Variants in ACACA observed in about 807,000 individuals in gnomAD.
ACACA encodes acetyl-CoA carboxylase alpha.
A neutral mutation model predicts 296.1 loss-of-function variants in ACACA; 103 were observed. The ratio of observed to expected loss-of-function variants is 0.35; its 90% confidence interval spans 0.30 to 0.41. The LOEUF (loss-of-function observed/expected upper bound fraction) is 0.41, where lower values mean the gene tolerates loss of function less well. ACACA is among the 10% of genes least tolerant of loss of function. The pLI is 1.00. For synonymous variants in ACACA, 953 were observed against 1,038.6 expected (o/e 0.92, Z 1.58); for missense variants, 1,554 against 2,989.7 (o/e 0.52, Z 11.20).
chr17:37,377,380 C>T (rs1233984245), intron 1 of ACACA, among the ~76,000 whole-genome samples: 2 of 152,022 alleles, frequency 1.3e-5, no homozygotes, highest in South Asian at 2.1e-4. Flanking sequence ...TTTTGAGGGC[C>T]GGGCGTGGTG....
chr17:37,090,676 C>G (rs1476388811), intron 54 of ACACA, among the ~76,000 whole-genome samples: 1 of 152,190 alleles, frequency 6.6e-6, no homozygotes, highest in South Asian at 2.1e-4. Flanking sequence ...GAGAAGGTAG[C>G]ACTGCTTTTC....
At chr17:37,280,241 C>T (rs1228789488) in intron 5 of ACACA, among the ~76,000 whole-genome samples, 1 of 152,174 alleles carries the variant, frequency 6.6e-6, no homozygotes, top group Non-Finnish European at 1.5e-5. Flanking sequence ...CCAGATCTCA[C>T]TCTGACACCC....
intron 25 of ACACA, 43 bp downstream of exon 25, chr17:37,234,932 A>C (rs1395433718): frequency 6.2e-7 from 1 of 1,611,152 alleles, no homozygotes; most frequent in Admixed American, 1.7e-5. Flanking sequence ...TACTTTTTGC[A>C]TATCATTGAC....
At chr17:37,337,778 G>C (rs1252304763) in intron 2 of ACACA, among the ~76,000 whole-genome samples, 2 of 149,906 alleles carry the variant, frequency 1.3e-5, no homozygotes, top group African/African-American at 4.9e-5. Context: ...GTGAACTGGA[G>C]ATTACTTTAG....
chr17:37,354,295 G>A (rs1232366608), intron 1 of ACACA, among the ~76,000 whole-genome samples: 2 of 152,182 alleles, frequency 1.3e-5, no homozygotes, highest in Non-Finnish European at 2.9e-5. Flanking sequence ...ATCATCGAAA[G>A]GCAAGACCAA....
chr17:37,374,808 C>T (rs2147697481), intron 1 of ACACA, among the ~76,000 whole-genome samples: 1 of 152,314 alleles, frequency 6.6e-6, no homozygotes, highest in East Asian at 1.9e-4. Context: ...CCAATACTCA[C>T]TTCACTATTC....
intron 29 of ACACA, among the ~76,000 whole-genome samples, chr17:37,217,260 CAAAAA>C (rs34419580): frequency 7.1e-5 from 3 of 42,524 alleles, no homozygotes; most frequent in African/African-American, 8.2e-5. Context: ...AACTCTATCT[CAAAAA>C]AAAAAAAAAA....
Position 37,200,471 on chromosome 17 carries a change from C to A in ACACA, c.4069G>T (p.Val1357Phe). ...EFTQQNKATL[V>F]DHGIRRLTFL... Reference sequence around the variant, plus strand: ...GTAAGGCGCCGGATCCCATGGTCAACCAGGGTAGCTTTCTAGGAGCAAAAA... The same window carrying A: ...GTAAGGCGCCGGATCCCATGGTCAAACAGGGTAGCTTTCTAGGAGCAAAAA... The change falls in exon 34 of 56, where the codon GTT becomes TTT. Residue 1357 changes from valine to phenylalanine, a missense_variant. This residue lies in a region of ACACA where 179 missense variants were observed against 283.2 expected (regional missense o/e 0.63). Transcript: ENST00000616317. The A allele has an allele frequency of 6.2e-7, 1 of 1,613,054 alleles. No individual in the cohort carries two copies. Among genetic ancestry groups the A allele is most frequent in the Non-Finnish European group, 8.5e-7 (1 of 1,179,082 alleles).
intron 39 of ACACA, among the ~76,000 whole-genome samples, chr17:37,183,849 T>C (rs1009390174): frequency 8.7e-6 from 1 of 114,666 alleles, no homozygotes; most frequent in East Asian, 2.6e-4. Context: ...GTTTCAGTCC[T>C]TTTTTTTTTT....
At chr17:37,268,261 A>G (rs1263261814) in intron 10 of ACACA, among the ~76,000 whole-genome samples, 1 of 152,224 alleles carries the variant, frequency 6.6e-6, no homozygotes, top group Non-Finnish European at 1.5e-5. Context: ...AGAAAAATTA[A>G]TAGAAATAAT....
intron 25 of ACACA, among the ~76,000 whole-genome samples, chr17:37,230,825 A>C (rs1034428666): frequency 2.6e-5 from 4 of 152,228 alleles, no homozygotes; most frequent in African/African-American, 9.6e-5. Context: ...GTGTTTAGTC[A>C]ACATAAAAAG....
At chr17:37,388,030 T>C (rs1484777796) in intron 1 of ACACA, 2 of 152,116 alleles carry the variant, frequency 1.3e-5, no homozygotes, top group African/African-American at 4.8e-5. Flanking sequence ...CCGGGCATGG[T>C]GGCGTTCGCC....
intron 24 of ACACA, among the ~76,000 whole-genome samples, chr17:37,236,882 T>C (rs904340439): frequency 2.0e-5 from 3 of 152,084 alleles, no homozygotes; most frequent in African/African-American, 7.2e-5. Context: ...AATTATGAAA[T>C]ATATATACAG....
intron 1 of ACACA, among the ~76,000 whole-genome samples, chr17:37,355,922 A>C (rs1460804594): frequency 6.6e-6 from 1 of 152,128 alleles, no homozygotes. Context: ...TAATCCCAAC[A>C]CTTTGGGAAG....
intron 3 of ACACA, among the ~76,000 whole-genome samples, chr17:37,293,583 C>G (rs1458788247): frequency 6.7e-6 from 1 of 148,766 alleles, no homozygotes; most frequent in Non-Finnish European, 1.5e-5. Context: ...TGCTCTGTCC[C>G]CCAGGCTGGA....
intron 7 of ACACA, 113 bp from the exon 8 acceptor site, chr17:37,276,162 C>G (rs547659594): frequency 2.7e-5 from 21 of 777,706 alleles, no homozygotes; most frequent in Non-Finnish European, 4.4e-5. Context: ...CTCCCCCCAC[C>G]CCTCACATAT....
At chr17:37,272,926 C>T (rs965110316) in intron 9 of ACACA, among the ~76,000 whole-genome samples, 1 of 151,956 alleles carries the variant, frequency 6.6e-6, no homozygotes, top group Non-Finnish European at 1.5e-5. Flanking sequence ...TTGCATGTGG[C>T]TTTATCATCA....
rs565669843 is a variant in ACACA, at chr17:37,259,672, T to C, written c.1330-142A>G. On this transcript the variant is annotated intron_variant, in intron 11 of 55. Transcript: ENST00000616317. ...CCACATGAGAGCACATTTCTGATTATTATACAATATCCCTGGACAAGGATG... is the reference window on the plus strand; with the variant it reads ...CCACATGAGAGCACATTTCTGATTACTATACAATATCCCTGGACAAGGATG... The C allele has an allele frequency of 2.0e-5, 17 of 859,226 alleles. No homozygotes were observed. In the African/African-American group the frequency reaches 2.3e-4, roughly 12 times the overall value. 53.2% of individuals were successfully genotyped at this position (859,226 alleles called of 1,614,324 possible).
At chr17:37,210,680 C>G (rs1220307180) in intron 29 of ACACA, among the ~76,000 whole-genome samples, 190 bp from the exon 30 acceptor site, 1 of 149,114 alleles carries the variant, frequency 6.7e-6, no homozygotes, top group Admixed American at 6.7e-5. Context: ...CCTAACCTAC[C>G]TCACCACACC....
Sources: gnomAD v4.1 joint callset for allele counts (sites outside exome capture counted in the v4.1 genomes callset) on GRCh38, gnomAD v4.1.1 for gene constraint, gnomAD v4.1.1 regional missense constraint, MANE v1.5 for transcripts, NCBI Gene and HGNC (gene_info 2026-07-23, HGNC 2026-07-21) for gene names.